Variants in PDZD2 observed in about 807,000 individuals in gnomAD.
The protein encoded by PDZD2 is PDZ domain containing 2.
Under a neutral mutation model 220.7 loss-of-function variants are expected in PDZD2, and 90 were observed. The ratio of observed to expected loss-of-function variants is 0.41; its 90% CI spans 0.34 to 0.49. The LOEUF (loss-of-function observed/expected upper bound fraction) is 0.49, where lower values mean the gene tolerates loss of function less well. Ranked by LOEUF, PDZD2 falls within the 20% of genes least tolerant of loss-of-function variation. The pLI, the probability that PDZD2 is intolerant of heterozygous loss-of-function variation, is 0.28. For missense variants in PDZD2, 3,174 were observed against 3,608.5 expected, an observed-to-expected ratio of 0.88 and a Z score of 3.08; for synonymous variants, 1,375 against 1,450.5, an observed-to-expected ratio of 0.95 and a Z score of 1.18.
At chr5:32,048,194 T>A (rs931446802) in intron 7 of PDZD2, among the ~76,000 whole-genome samples, 1 of 152,232 alleles carries the variant, frequency 6.6e-6, no homozygotes, top group Non-Finnish European at 1.5e-5. Context: ...CACAAAATGA[T>A]ATTCCTCCAT....
At chr5:32,020,642 C>CTTT (rs11459649) in intron 6 of PDZD2, among the ~76,000 whole-genome samples, 33 of 146,206 alleles carry the variant, frequency 2.3e-4, no homozygotes, top group Non-Finnish European at 3.0e-4. Context: ...ACAAAATGAT[C>CTTT]TTTTTTTTTT....
At chr5:31,957,383 T>A (rs1747807901) in intron 2 of PDZD2, among the ~76,000 whole-genome samples, 1 of 152,198 alleles carries the variant, frequency 6.6e-6, no homozygotes, top group Non-Finnish European at 1.5e-5. Context: ...AGGTTGCACA[T>A]CACAGACCAG....
intron 1 of PDZD2, among the ~76,000 whole-genome samples, chr5:31,642,273 C>T (rs1010034343): frequency 2.0e-5 from 3 of 152,206 alleles, no homozygotes; most frequent in Admixed American, 6.5e-5. Context: ...CCCTCAGACA[C>T]ATCCCCGCAG....
At chr5:31,842,066 A>G (rs536833401) in intron 2 of PDZD2, among the ~76,000 whole-genome samples, 4 of 152,310 alleles carry the variant, frequency 2.6e-5, no homozygotes, top group African/African-American at 9.6e-5. Flanking sequence ...CACCCCATGA[A>G]CACTTAATGA....
At chr5:31,736,788 A>G (rs1340177120) in intron 1 of PDZD2, among the ~76,000 whole-genome samples, 1 of 152,170 alleles carries the variant, frequency 6.6e-6, no homozygotes, top group Non-Finnish European at 1.5e-5. Flanking sequence ...TCATGGGGGC[A>G]GATCTATCAT....
Position 31,799,656 on chromosome 5 carries a change from C to T in PDZD2, c.408C>T (p.Val136=), listed in dbSNP as rs374244046. The T allele has an allele frequency of 4.3e-6, 7 of 1,613,946 alleles. No individual in the cohort carries two copies. In the African/African-American group the frequency reaches 9.3e-5, roughly 22 times the overall value. ...KNSPAGKSGK[V]RLRDEILSLN... is the part of the protein sequence containing the mutation. Reference sequence around the variant, plus strand: ...GCCCAGCAGGGAAGAGTGGGAAGGTCCGACTGCGGGATGAGATCCTCTCAC... The same window carrying T: ...GCCCAGCAGGGAAGAGTGGGAAGGTTCGACTGCGGGATGAGATCCTCTCAC... The change falls in exon 2 of 25, where the codon GTC becomes GTT. Residue 136 remains valine (V), a synonymous_variant. Transcript: ENST00000438447.
intron 1 of PDZD2, among the ~76,000 whole-genome samples, chr5:31,662,470 A>G (rs1561369687): frequency 6.6e-6 from 1 of 152,218 alleles, no homozygotes; most frequent in Non-Finnish European, 1.5e-5. Context: ...GCTTATAAAT[A>G]AAATACAAAA....
intron 1 of PDZD2, among the ~76,000 whole-genome samples, chr5:31,640,289 G>A (rs900387295): frequency 2.0e-5 from 3 of 152,216 alleles, no homozygotes; most frequent in African/African-American, 7.2e-5. Context: ...AGTGGGAAGA[G>A]GACAAGGTCT....
chr5:32,069,736 G>A lies in PDZD2; in HGVS notation c.2533+86G>A. The A allele has an allele frequency of 4.2e-6, 3 of 720,694 alleles. No individual in the cohort carries two copies. In the South Asian group the frequency reaches 4.7e-5, roughly 11 times the overall value. The allele number at this position is 720,694 out of a possible 1,614,324, so 44.6% of individuals were successfully genotyped here. On this transcript the variant is annotated intron_variant, in intron 15 of 24. Coordinates refer to ENST00000438447, the MANE Select transcript of PDZD2 (RefSeq NM_178140.4). ...AGGCACTCCCCAGTGCAGTATTATT[G>A]GATTCTTGGTAATTATCAGGTTTGG...
intron 2 of PDZD2, among the ~76,000 whole-genome samples, chr5:31,815,024 C>T (rs144856283): frequency 0.01 from 1,553 of 151,746 alleles, 6 homozygotes; most frequent in Admixed American, 0.017. Flanking sequence ...GGGTGGATCA[C>T]CTGAGATCAG....
At chr5:32,013,308 T>G (rs1045860761) in intron 6 of PDZD2, among the ~76,000 whole-genome samples, 4 of 148,948 alleles carry the variant, frequency 2.7e-5, no homozygotes, top group African/African-American at 1.0e-4. Context: ...TGCTCCTATA[T>G]CTCTCTGTGT....
chr5:31,905,241 C>T (rs1414815974), intron 2 of PDZD2, among the ~76,000 whole-genome samples: 1 of 152,168 alleles, frequency 6.6e-6, no homozygotes, highest in Non-Finnish European at 1.5e-5. Flanking sequence ...TCCTCAGCCT[C>T]CCAAAGTGCT....
intron 2 of PDZD2, among the ~76,000 whole-genome samples, chr5:31,830,608 C>T (rs1006635441): frequency 6.6e-6 from 1 of 152,166 alleles, no homozygotes; most frequent in Non-Finnish European, 1.5e-5. Context: ...TCTGTCATCA[C>T]AGCCATTTCC....
At chr5:31,791,483 G>C (rs1753722003) in intron 1 of PDZD2, among the ~76,000 whole-genome samples, 1 of 151,530 alleles carries the variant, frequency 6.6e-6, no homozygotes, top group Non-Finnish European at 1.5e-5. Flanking sequence ...CCAGCTACTT[G>C]GGAGGCTAAG....
rs368166698 is a variant in PDZD2 at position 32,051,608 on chromosome 5, T to C, written c.1666-1003T>C. Among the ~76,000 whole-genome samples the C allele has an allele frequency of 2.1e-4, 32 of 152,170 alleles. No homozygotes were observed. The South Asian group carries it at 6.6e-3, about 32-fold the overall frequency. ...TTATAGAAGTGCTTTGGTGATAGAG[T>C]CATTTGATCTCTTTATGTTCTAAGG... is the stretch of plus-strand genomic sequence containing the variant. On this transcript the variant is annotated intron_variant, in intron 8 of 24. Transcript: ENST00000438447.
intron 2 of PDZD2, among the ~76,000 whole-genome samples, chr5:31,946,945 C>T (rs999706062): frequency 2.6e-5 from 4 of 152,188 alleles, no homozygotes; most frequent in Non-Finnish European, 5.9e-5. Flanking sequence ...CTCAAGAGAT[C>T]CTCTCACTTC....
At chr5:31,887,874 G>T (rs62361610) in intron 2 of PDZD2, among the ~76,000 whole-genome samples, 1 of 151,486 alleles carries the variant, frequency 6.6e-6, no homozygotes, top group Non-Finnish European at 1.5e-5. Flanking sequence ...GGATTGGTCT[G>T]TGGGGGGACA....
intron 1 of PDZD2, among the ~76,000 whole-genome samples, chr5:31,689,353 A>ATATATATATATATATATTTTTTTTT: frequency 8.5e-5 from 3 of 35,122 alleles, no homozygotes; most frequent in African/African-American, 6.2e-4. Flanking sequence ...ATATATATAT[A>ATATATATATATATATATTTTTTTTT]TTTTTTTTTT....
At chr5:31,871,189 T>A (rs898511804) in intron 2 of PDZD2, among the ~76,000 whole-genome samples, 1 of 152,204 alleles carries the variant, frequency 6.6e-6, no homozygotes, top group Non-Finnish European at 1.5e-5. Context: ...TGTATCATAT[T>A]TTAATATTGT....
Sources: allele counts gnomAD v4.1 joint callset (sites outside exome capture counted in the v4.1 genomes callset), GRCh38; gene constraint gnomAD v4.1.1; transcripts MANE v1.5; gene names NCBI Gene and HGNC (gene_info 2026-07-23, HGNC 2026-07-21).